Variants in EIF4G3 observed in about 807,000 individuals in gnomAD.
EIF4G3 encodes eukaryotic translation initiation factor 4 gamma 3.
In EIF4G3, 34 loss-of-function variants were observed where a neutral mutation model predicts 186.4. The observed-to-expected ratio is 0.18, with a 90% CI of 0.14 to 0.24. EIF4G3 has a LOEUF of 0.24. Ranked by LOEUF, EIF4G3 falls within the 10% of genes least tolerant of loss-of-function variation. EIF4G3 has a pLI of 1.00. For synonymous variants in EIF4G3, 673 were observed against 679.5 expected, an observed-to-expected ratio of 0.99 and a Z score of 0.15; for missense variants, 1,536 against 1,948.5, an observed-to-expected ratio of 0.79 and a Z score of 3.99.
At chr1:21,124,056 C>T (rs966804229) in intron 2 of EIF4G3, among the ~76,000 whole-genome samples, 1 of 151,960 alleles carries the variant, frequency 6.6e-6, no homozygotes, top group Non-Finnish European at 1.5e-5. Flanking sequence ...TTTGGGAGGC[C>T]GAGGCAGGTG....
chr1:21,080,425 C>T (rs924484002), intron 3 of EIF4G3, among the ~76,000 whole-genome samples: 8 of 150,644 alleles, frequency 5.3e-5, no homozygotes, highest in African/African-American at 1.5e-4. Flanking sequence ...TGTGCAAGAG[C>T]GGAGGACCCC....
intron 14 of EIF4G3, among the ~76,000 whole-genome samples, chr1:20,937,300 G>A (rs971505281): frequency 1.4e-4 from 22 of 152,296 alleles, no homozygotes; most frequent in African/African-American, 4.3e-4. Flanking sequence ...CAAGCCATAC[G>A]GTATGGCTGT....
intron 3 of EIF4G3, among the ~76,000 whole-genome samples, chr1:21,078,442 G>A (rs1179413604): frequency 1.3e-5 from 2 of 152,178 alleles, no homozygotes; most frequent in Non-Finnish European, 2.9e-5. Context: ...GTTACCAGAG[G>A]CTGGGAAGCA....
chr1:20,918,701 C>CTTTTTTT (rs35704755), intron 14 of EIF4G3, among the ~76,000 whole-genome samples: 3 of 94,886 alleles, frequency 3.2e-5, no homozygotes, highest in Admixed American at 1.3e-4. Context: ...CTCCTAGTAT[C>CTTTTTTT]TTTTTTTTTT....
intron 2 of EIF4G3, among the ~76,000 whole-genome samples, chr1:21,128,959 G>C (rs1166725846): frequency 6.6e-6 from 1 of 152,132 alleles, no homozygotes; most frequent in Non-Finnish European, 1.5e-5. Flanking sequence ...GAACTTGCAA[G>C]AAAACAAAAT....
intron 3 of EIF4G3, among the ~76,000 whole-genome samples, chr1:21,078,952 T>G (rs2095676250): frequency 6.6e-6 from 1 of 152,048 alleles, no homozygotes; most frequent in East Asian, 1.9e-4. Context: ...GCCATTGCAC[T>G]CCAACCTGGG....
At chr1:21,122,220 G>A (rs535558284) in intron 2 of EIF4G3, among the ~76,000 whole-genome samples, 1 of 152,280 alleles carries the variant, frequency 6.6e-6, no homozygotes, top group South Asian at 2.1e-4. Flanking sequence ...GTTTAGATGA[G>A]CTCTCAATGT....
At position 21,070,889 on chromosome 1, in the gene EIF4G3, C is replaced by G. The variant is rs528485745; in HGVS notation, c.-196+18249G>C. On this transcript the variant is annotated intron_variant, in intron 3 of 36. Coordinates refer to ENST00000602326, the MANE Select transcript of EIF4G3 (RefSeq NM_001391906.1). ...AACTTCCAAAGAACTTGAAAGTGGA[C>G]TAATTGATATTGTTGTCTAGTAAGT... Among the ~76,000 whole-genome samples, 423 of 152,244 alleles carry G rather than the reference C, an allele frequency of 2.8e-3. 1 individual carries two copies. Among genetic ancestry groups the G allele is most frequent in the Non-Finnish European group, 4.4e-3 (302 of 68,014 alleles).
In EIF4G3 at chr1:21,095,643, T is replaced by A. The variant is rs1420724311; in HGVS notation, c.-271-6430A>T. On this transcript the variant is annotated intron_variant, in intron 2 of 36. Coordinates refer to ENST00000602326, the MANE Select transcript of EIF4G3 (RefSeq NM_001391906.1). Reference sequence around the variant, plus strand: ...TAGATTTTTAACAAATCCAGAAACATTAGTCTCAAAGAGCTTAGCCAGAAA... The same window carrying A: ...TAGATTTTTAACAAATCCAGAAACAATAGTCTCAAAGAGCTTAGCCAGAAA... Among the ~76,000 whole-genome samples the A allele has an allele frequency of 2.0e-5, 3 of 152,154 alleles. No homozygotes were observed. The East Asian group carries it at 5.8e-4, about 29-fold the overall frequency.
chr1:21,025,213 G>A (rs1226433715), intron 4 of EIF4G3, among the ~76,000 whole-genome samples: 1 of 152,312 alleles, frequency 6.6e-6, no homozygotes, highest in Middle Eastern at 3.4e-3. Flanking sequence ...GACATCAGAG[G>A]ATTAGATTAG....
intron 4 of EIF4G3, among the ~76,000 whole-genome samples, chr1:21,015,341 GAA>G (rs912872752): frequency 2.0e-5 from 3 of 151,752 alleles, no homozygotes; most frequent in African/African-American, 7.3e-5. Flanking sequence ...AAAAGGAACA[GAA>G]AGATTATTTC....
intron 3 of EIF4G3, among the ~76,000 whole-genome samples, chr1:21,064,129 C>T (rs2095103846): frequency 6.6e-6 from 1 of 152,148 alleles, no homozygotes; most frequent in Non-Finnish European, 1.5e-5. Context: ...GGTATCCAGA[C>T]TGTCTTATAA....
intron 12 of EIF4G3, among the ~76,000 whole-genome samples, chr1:20,954,836 A>G (rs2096359706): frequency 6.6e-6 from 1 of 152,196 alleles, no homozygotes; most frequent in Non-Finnish European, 1.5e-5. Context: ...CTTTACTGGG[A>G]AAGTTAAGAG....
At chr1:20,906,304 A>C (rs926397166) in intron 14 of EIF4G3, among the ~76,000 whole-genome samples, 9 of 152,088 alleles carry the variant, frequency 5.9e-5, no homozygotes, top group Non-Finnish European at 1.0e-4. Flanking sequence ...TTTTTTGTGG[A>C]TCTTCTGATT....
chr1:21,087,956 C>A (rs956749852), intron 3 of EIF4G3, among the ~76,000 whole-genome samples: 2 of 151,636 alleles, frequency 1.3e-5, no homozygotes, highest in African/African-American at 4.8e-5. Flanking sequence ...AATTAGCATG[C>A]ACAGTAGCAT....
intron 16 of EIF4G3, 124 bp downstream of exon 16, chr1:20,899,573 T>C (rs1423858713): frequency 6.3e-6 from 8 of 1,262,066 alleles, no homozygotes; most frequent in Non-Finnish European, 8.8e-6. Flanking sequence ...TGATCTGTCC[T>C]GTAAATATTA....
intron 12 of EIF4G3, among the ~76,000 whole-genome samples, chr1:20,967,558 T>C (rs1442458973): frequency 6.6e-6 from 1 of 152,122 alleles, no homozygotes; most frequent in Non-Finnish European, 1.5e-5. Context: ...ACAACACACA[T>C]GTCCAGATGG....
intron 10 of EIF4G3, among the ~76,000 whole-genome samples, chr1:20,978,336 ATTG>A (rs2077270575): frequency 6.6e-6 from 1 of 152,184 alleles, no homozygotes; most frequent in Admixed American, 6.5e-5. Flanking sequence ...GTAACACATT[ATTG>A]TTCTGAAAAT....
In EIF4G3 at chr1:20,810,981, A is replaced by G. The variant is rs1427036680; in HGVS notation, c.4598-97T>C. ...TTTTCTTTTTTTGAGACAGAGCCTC[A>G]CTCTATTGCCCAGGCTGGAGTGCAG... On this transcript the variant is annotated intron_variant, in intron 35 of 36. Transcript: ENST00000602326. The surrounding 1 kb of genome is among the most constrained non-coding windows in gnomAD (Gnocchi z 4.1). 3.2e-6 allele frequency: 4 copies of G among 1,243,878 alleles called. No homozygotes were observed. Among genetic ancestry groups the G allele is most frequent in the Non-Finnish European group, 4.4e-6 (4 of 906,024 alleles). The allele number at this position is 1,243,878 out of a possible 1,614,324, so 77.1% of individuals were successfully genotyped here. A position where few individuals can be genotyped will look rare whatever the true frequency, so the allele number is the denominator to read the frequency against.
Sources: gnomAD v4.1 joint callset for allele counts (sites outside exome capture counted in the v4.1 genomes callset) on GRCh38, gnomAD v4.1.1 for gene constraint, Gnocchi (gnomAD v3.1) non-coding constraint, MANE v1.5 for transcripts, NCBI Gene and HGNC (gene_info 2026-07-23, HGNC 2026-07-21) for gene names.